Variants in ZSCAN20 observed in about 807,000 individuals in gnomAD.
ZSCAN20 encodes the protein zinc finger and SCAN domain-containing protein 20.
Under a neutral mutation model 97.1 loss-of-function variants are expected in ZSCAN20, and 39 were observed. The ratio of observed to expected loss-of-function variants is 0.40; its 90% CI spans 0.31 to 0.52. The LOEUF (loss-of-function observed/expected upper bound fraction) is 0.52. Among genes scored for constraint, ZSCAN20 ranks in the 20% least tolerant of loss-of-function variants. The pLI, the probability that ZSCAN20 is intolerant of heterozygous loss-of-function variation, is 0.49. For synonymous variants in ZSCAN20, 456 were observed against 467.3 expected (o/e 0.98, Z 0.31); for missense variants, 1,115 against 1,290.4 (o/e 0.86, Z 2.08).
Position 33,491,192 on chromosome 1 carries a change from T to C in ZSCAN20, c.934T>C (p.Tyr312His), listed in dbSNP as rs1464612989. 1 of 1,614,112 alleles carries C rather than the reference T, an allele frequency of 6.2e-7. No individual in the cohort carries two copies. Reference protein sequence around the residue: ...WRDSRAWEEQYQWDVEDMKVS... With the variant: ...WRDSRAWEEQHQWDVEDMKVS... ...GGATTCAAGAGCCTGGGAGGAACAA[T>C]ACCAGTGGGATGTGGAGGACATGAA... Residue 312 changes from tyrosine (Y) to histidine (H), a missense_variant, in exon 6 of 8, where the codon TAC (tyrosine) becomes CAC (histidine). Physicochemically the swap from Tyr to His is moderately conservative, Grantham distance 83. Coordinates refer to ENST00000684572, the MANE Select transcript of ZSCAN20 (RefSeq NM_001377376.1). The surrounding 1 kb of genome is among the most constrained non-coding windows in gnomAD (Gnocchi z 4.3).
chr1:33,493,095 C>A lies in ZSCAN20; in HGVS notation c.1445-92C>A. On this transcript the variant is annotated intron_variant, in intron 6 of 7. Transcript: ENST00000684572. The surrounding 1 kb of genome is among the most constrained non-coding windows in gnomAD (Gnocchi z 4.3). ...GGATAGTTTCTGACATGCCTATGTT[C>A]TAGGTATTTTGAAGGGCAGGTGACT... 1 of 1,298,908 alleles carries A rather than the reference C, an allele frequency of 7.7e-7. No individual in the cohort carries two copies. The highest frequency in any genetic ancestry group is 1.1e-6 in the Non-Finnish European group (1 of 927,456). 80.5% of individuals were successfully genotyped at this position (1,298,908 alleles called of 1,614,324 possible). A position where few individuals can be genotyped will look rare whatever the true frequency, so the allele number is the denominator to read the frequency against.
rs368790562 is a variant in ZSCAN20, at chr1:33,491,619, G to A, written c.1361G>A (p.Cys454Tyr). The change falls in exon 6 of 8, where the codon TGT (cysteine) becomes TAT (tyrosine). Residue 454 changes from cysteine (C) to tyrosine (Y), a missense_variant. Around this residue, in one of 3 missense-constraint regions of ZSCAN20, gnomAD observed 508 missense variants for 611.2 expected, o/e 0.83. Coordinates refer to ENST00000684572, the MANE Select transcript of ZSCAN20 (RefSeq NM_001377376.1). The surrounding 1 kb of genome is among the most constrained non-coding windows in gnomAD (Gnocchi z 4.3). ...GATCCTGAAGAAATGGCAGAAGACTGTAACGGTGCTGGCCTGGTCAATGTT... is the reference window on the plus strand; with the variant it reads ...GATCCTGAAGAAATGGCAGAAGACTATAACGGTGCTGGCCTGGTCAATGTT... ...GWDPEEMAEDCNGAGLVNVES... is the reference protein window; with the variant it reads ...GWDPEEMAEDYNGAGLVNVES... 115 of 1,614,190 alleles carry A rather than the reference G, an allele frequency of 7.1e-5. No individual in the cohort carries two copies. The African/African-American group carries it at 1.1e-3, about 15-fold the overall frequency.
In ZSCAN20 at chr1:33,491,989, C is replaced by T. The variant is rs767672312; in HGVS notation, c.1444+287C>T. 34 of 306,238 alleles carry T rather than the reference C, an allele frequency of 1.1e-4. No homozygotes were observed. The highest frequency in any genetic ancestry group is 1.9e-4 in the African/African-American group (9 of 46,464). 19.0% of individuals were successfully genotyped at this position (306,238 alleles called of 1,614,324 possible). ...GTCACTGGTAGTATGGGATGATCAT[C>T]GACGTTACATGAATGAACTTTAAAT... is the stretch of plus-strand genomic sequence containing the variant. On this transcript the variant is annotated intron_variant, in intron 6 of 7. Transcript: ENST00000684572. This position sits in a 1 kb window ranked among gnomAD's most constrained non-coding sequence, Gnocchi z 4.3.
chr1:33,495,089 C>T lies in ZSCAN20; in HGVS notation c.2745C>T (p.Ser915=). 6.2e-7 allele frequency: 1 copy of T among 1,612,566 alleles called. No homozygotes were observed. Among genetic ancestry groups the T allele is most frequent in the Non-Finnish European group, 8.5e-7 (1 of 1,178,942 alleles). ...AATGTGGGAAAAGCTTCAGTAAGAG[C>T]TCCACCCTGGCCAACCACCAGCGCA... ...CAECGKSFSK[S]STLANHQRTH... is the part of the protein sequence containing the mutation. The change falls in exon 8 of 8, where the codon AGC becomes AGT. Residue 915 remains serine (S), a synonymous_variant. Coordinates refer to ENST00000684572, the MANE Select transcript of ZSCAN20 (RefSeq NM_001377376.1).
intron 2 of ZSCAN20, 23 bp from the exon 3 acceptor site, chr1:33,488,442 G>C (rs1243041233): frequency 1.6e-5 from 25 of 1,606,406 alleles, no homozygotes; most frequent in South Asian, 2.2e-5. Flanking sequence ...TGTTGATTGG[G>C]AATTTTGACT....
rs1653045005 is a variant in ZSCAN20, at chr1:33,500,860, C to T, written c.*5384C>T. On this transcript the variant is annotated 3_prime_UTR_variant, in exon 8 of 8. Coordinates refer to ENST00000684572, the MANE Select transcript of ZSCAN20 (RefSeq NM_001377376.1). Reference sequence around the variant, plus strand: ...GCCCAGGCTGGCAGAGTTGTGACTACTAGAATCTCGAGTCACTGGGGCTCA... The same window carrying T: ...GCCCAGGCTGGCAGAGTTGTGACTATTAGAATCTCGAGTCACTGGGGCTCA... 6.6e-6 allele frequency among the ~76,000 whole-genome samples: 1 copy of T among 151,846 alleles called. No homozygotes were observed.
intron 1 of ZSCAN20, among the ~76,000 whole-genome samples, chr1:33,475,599 C>T (rs575829119): frequency 2.0e-5 from 3 of 152,144 alleles, no homozygotes; most frequent in East Asian, 1.9e-4. Flanking sequence ...TGCTTATTCT[C>T]GAACAGATAG....
At position 33,488,588 on chromosome 1, in the gene ZSCAN20, A is replaced by G; in HGVS notation, c.541A>G (p.Thr181Ala). ...GQSQKKGVKN[T>A]CPDLPNHLNA... Reference sequence around the variant, plus strand: ...GTCCCAGAAGAAGGGGGTGAAGAATACATGCCCTGACCTTCCCAATCACCT... The same window carrying G: ...GTCCCAGAAGAAGGGGGTGAAGAATGCATGCCCTGACCTTCCCAATCACCT... Residue 181 changes from threonine (T) to alanine (A), a missense_variant, in exon 3 of 8, where the codon ACA becomes GCA. Thr to Ala is a moderately conservative substitution (Grantham distance 58). Coordinates refer to ENST00000684572, the MANE Select transcript of ZSCAN20 (RefSeq NM_001377376.1). 6.2e-7 allele frequency: 1 copy of G among 1,613,404 alleles called. No individual in the cohort carries two copies. The highest frequency in any genetic ancestry group is 2.2e-5 in the East Asian group (1 of 44,878).
chr1:33,475,377 C>G (rs1651879881), intron 1 of ZSCAN20, among the ~76,000 whole-genome samples: 1 of 152,206 alleles, frequency 6.6e-6, no homozygotes, highest in African/African-American at 2.4e-5. Context: ...AATCCTTTGG[C>G]AAGGAGCCGT....
intron 1 of ZSCAN20, among the ~76,000 whole-genome samples, chr1:33,474,926 C>A (rs1250653437): frequency 6.6e-6 from 1 of 152,170 alleles, no homozygotes; most frequent in Non-Finnish European, 1.5e-5. Context: ...CTTGCTCTAC[C>A]CCATCATACT....
At chr1:33,490,986 C>T (rs1436513065) in intron 5 of ZSCAN20, 39 bp from the exon 6 acceptor site, 1 of 1,537,006 alleles carries the variant, frequency 6.5e-7, no homozygotes, top group South Asian at 1.3e-5. Context: ...TGCCGCTCAA[C>T]AGACCATTTC....
At chr1:33,484,931 C>G (rs1652301042) in intron 2 of ZSCAN20, among the ~76,000 whole-genome samples, 1 of 152,082 alleles carries the variant, frequency 6.6e-6, no homozygotes, top group Non-Finnish European at 1.5e-5. Flanking sequence ...ATTTTTGCAT[C>G]TTTGTTCATG....
At chr1:33,487,511 T>C (rs1557440428) in intron 2 of ZSCAN20, among the ~76,000 whole-genome samples, 1 of 152,190 alleles carries the variant, frequency 6.6e-6, no homozygotes, top group Non-Finnish European at 1.5e-5. Context: ...ACCTTTTTTT[T>C]TTTTGCCTGA....
chr1:33,492,225 T>C (rs1157789471), intron 6 of ZSCAN20: 4 of 152,536 alleles, frequency 2.6e-5, no homozygotes, highest in Admixed American at 6.5e-5. Flanking sequence ...AGGCGTCTTA[T>C]AGACGCACAG....
chr1:33,488,158 T>C (rs1652442060), intron 2 of ZSCAN20, among the ~76,000 whole-genome samples: 1 of 152,226 alleles, frequency 6.6e-6, no homozygotes, highest in Admixed American at 6.5e-5. Flanking sequence ...TTTTTGATGC[T>C]TATGGGTTAT....
intron 2 of ZSCAN20, among the ~76,000 whole-genome samples, chr1:33,484,703 C>T (rs963546895): frequency 6.6e-6 from 1 of 150,724 alleles, no homozygotes; most frequent in Non-Finnish European, 1.5e-5. Flanking sequence ...CTCACTGCAA[C>T]CTCTGCCTCC....
At position 33,494,496 on chromosome 1, in the gene ZSCAN20, A is replaced by C. The variant is rs1208958710; in HGVS notation, c.2152A>C (p.Ser718Arg). ...KPYKCDTCMK[S>R]FSRSSHFIAH... is the part of the protein sequence containing the mutation. ...CTACAAGTGTGACACATGCATGAAG[A>C]GCTTCAGTCGGAGCTCCCACTTCAT... is the stretch of plus-strand genomic sequence containing the variant. Residue 718 changes from serine (S) to arginine (R), a missense_variant, in exon 8 of 8, where the codon AGC becomes CGC. By Grantham distance (110) the Ser-to-Arg change is moderately radical. Transcript: ENST00000684572. The C allele has an allele frequency of 6.2e-7, 1 of 1,614,226 alleles. No homozygotes were observed.
chr1:33,489,881 T>C (rs1652528471), intron 5 of ZSCAN20, among the ~76,000 whole-genome samples: 1 of 152,152 alleles, frequency 6.6e-6, no homozygotes. Context: ...AGGCCTGGAC[T>C]GCCATCTCAG....
intron 4 of ZSCAN20, 125 bp from the exon 5 acceptor site, chr1:33,489,393 T>TATGATG (rs1490762693): frequency 1.0e-5 from 11 of 1,093,690 alleles, no homozygotes; most frequent in Non-Finnish European, 1.4e-5. Flanking sequence ...TCCTGCTCCT[T>TATGATG]ATGATGCCAG....
Sources: gnomAD v4.1 joint callset for allele counts (sites outside exome capture counted in the v4.1 genomes callset) on GRCh38, gnomAD v4.1.1 for gene constraint, gnomAD v4.1.1 regional missense constraint, Gnocchi (gnomAD v3.1) non-coding constraint, MANE v1.5 for transcripts, NCBI Gene and HGNC (gene_info 2026-07-23, HGNC 2026-07-21) for gene names.